SELENOI: variants seen among roughly 807,000 people sequenced by gnomAD.
SELENOI encodes selenoprotein I, also known as ethanolaminephosphotransferase 1.
Under a neutral mutation model 50.7 loss-of-function variants are expected in SELENOI, and 24 were observed. That is an observed-to-expected ratio of 0.47 (90% CI 0.34 to 0.67). The LOEUF (loss-of-function observed/expected upper bound fraction) is 0.67. SELENOI is among the 30% of genes least tolerant of loss of function. SELENOI has a pLI of 0.01. For synonymous variants in SELENOI, 155 were observed against 170.2 expected, an observed-to-expected ratio of 0.91 and a Z score of 0.70; for missense variants, 352 against 461.4, an observed-to-expected ratio of 0.76 and a Z score of 2.17.
At chr2:26,378,945 C>T (rs1253825865) in intron 6 of SELENOI, among the ~76,000 whole-genome samples, 1 of 152,132 alleles carries the variant, frequency 6.6e-6, no homozygotes, top group Non-Finnish European at 1.5e-5. Context: ...CTGCCGAGTA[C>T]CTATACATTG....
intron 1 of SELENOI, chr2:26,346,494 C>T (rs184173476): frequency 2.1e-4 from 114 of 535,426 alleles, no homozygotes; most frequent in African/African-American, 1.9e-3. Context: ...AGTCGGCACC[C>T]CCCGGGAGAT....
At chr2:26,347,066 C>T (rs2147939806) in intron 1 of SELENOI, among the ~76,000 whole-genome samples, 1 of 152,304 alleles carries the variant, frequency 6.6e-6, no homozygotes, top group East Asian at 1.9e-4. Context: ...TCCTCCAAAT[C>T]TGGTTCCCAT....
rs79254819 is a variant in SELENOI, at chr2:26,355,004, A to G, written c.57+8715A>G. ...AGTTTCCACATACCAGCTGTGTGAT[A>G]CTTAGCAGGTAACTTAATCTAACCA... On this transcript the variant is annotated intron_variant, in intron 1 of 9. Transcript: ENST00000260585. 9.6e-3 allele frequency among the ~76,000 whole-genome samples: 1,468 copies of G among 152,354 alleles called. 29 individuals are homozygous for G. Among genetic ancestry groups the G allele is most frequent in the African/African-American group, 0.033 (1,386 of 41,574 alleles).
intron 3 of SELENOI, 82 bp downstream of exon 3, chr2:26,365,022 T>C (rs958396245): frequency 1.4e-5 from 15 of 1,042,386 alleles, no homozygotes; most frequent in Middle Eastern, 2.8e-4. Context: ...TTTGTTAAAA[T>C]GTTCATATTT....
In SELENOI at chr2:26,371,281, C is replaced by T. The variant is rs570201359; in HGVS notation, c.311-2086C>T. On this transcript the variant is annotated intron_variant, in intron 4 of 9. Coordinates refer to ENST00000260585, the MANE Select transcript of SELENOI (RefSeq NM_033505.4). ...CAGACGGGGTGGCCGGGCAGAGACG[C>T]TCCTCACCTCCCAGACGGGGTGGCG... Among the ~76,000 whole-genome samples the T allele has an allele frequency of 8.9e-3, 1,355 of 151,490 alleles. 21 individuals are homozygous for T. The highest frequency in any genetic ancestry group is 0.031 in the African/African-American group (1,287 of 41,264).
intron 1 of SELENOI, 78 bp downstream of exon 1, chr2:26,346,367 C>G (rs1471369145): frequency 6.8e-7 from 1 of 1,475,586 alleles, no homozygotes; most frequent in East Asian, 2.5e-5. Context: ...CGGCGCGGTC[C>G]GTGTCACCTT....
rs369658110 is a variant in SELENOI, at chr2:26,361,742, C to T, written c.58-2560C>T. Among the ~76,000 whole-genome samples the T allele has an allele frequency of 6.6e-5, 10 of 152,048 alleles. No homozygotes were observed. In the East Asian group the frequency reaches 1.4e-3, roughly 21 times the overall value. ...AATCTTGGCTCACTGCAGCCTGTGC[C>T]CCCTTGGTTCAAACGATTCTCCTGC... On this transcript the variant is annotated intron_variant, in intron 1 of 9. Transcript: ENST00000260585.
intron 4 of SELENOI, among the ~76,000 whole-genome samples, chr2:26,371,056 G>A (rs1677425012): frequency 6.9e-6 from 1 of 144,890 alleles, no homozygotes; most frequent in Non-Finnish European, 1.5e-5. Flanking sequence ...GGGCGGCCGG[G>A]CAGAGGCGCC....
chr2:26,394,064 GT>G lies in SELENOI; in HGVS notation c.*4963del, dbSNP rs1678031142. On this transcript the variant is annotated 3_prime_UTR_variant, in exon 10 of 10. Coordinates refer to ENST00000260585, the MANE Select transcript of SELENOI (RefSeq NM_033505.4). This position sits in a 1 kb window ranked among gnomAD's most constrained non-coding sequence, Gnocchi z 4.1. The stretch of plus-strand genomic sequence containing the variant: ...GTTAGTACTTGATGTCACTAACCAA[GT>G]TGTAGAAGGAGCCTGTTATAATTCT... The G allele has an allele frequency of 6.6e-6, 1 of 152,184 alleles. No homozygotes were observed. The highest frequency in any genetic ancestry group is 6.5e-5 in the Admixed American group (1 of 15,280). 9.4% of individuals were successfully genotyped at this position (152,184 alleles called of 1,614,324 possible). A position where few individuals can be genotyped will look rare whatever the true frequency, so the allele number is the denominator to read the frequency against.
chr2:26,382,585 A>G (rs1572336814), intron 6 of SELENOI, among the ~76,000 whole-genome samples: 1 of 151,290 alleles, frequency 6.6e-6, no homozygotes, highest in Admixed American at 6.6e-5. Context: ...AAGATAGTAG[A>G]TAGTGAGGAC....
chr2:26,371,016 C>T, intron 4 of SELENOI, among the ~76,000 whole-genome samples: 1 of 142,590 alleles, frequency 7.0e-6, no homozygotes, highest in Admixed American at 6.9e-5. Context: ...GGCGGCTGGC[C>T]AGGCAGAGGG....
intron 4 of SELENOI, among the ~76,000 whole-genome samples, chr2:26,368,654 C>T (rs1677340964): frequency 6.6e-6 from 1 of 152,008 alleles, no homozygotes; most frequent in Non-Finnish European, 1.5e-5. Flanking sequence ...CCCTGAATTA[C>T]CTTTTTAAGA....
chr2:26,351,996 C>T (rs1450078316), intron 1 of SELENOI, among the ~76,000 whole-genome samples: 2 of 152,032 alleles, frequency 1.3e-5, no homozygotes, highest in Admixed American at 6.6e-5. Flanking sequence ...CAAAAATTAG[C>T]CGGGTGTTAT....
At position 26,395,203 on chromosome 2, in the gene SELENOI, T is replaced by TG. The variant is rs1220443751; in HGVS notation, c.*6101dup. 1 of 152,240 alleles carries TG rather than the reference T, an allele frequency of 6.6e-6. No individual in the cohort carries two copies. Among genetic ancestry groups the TG allele is most frequent in the East Asian group, 1.9e-4 (1 of 5,194 alleles). 9.4% of individuals were successfully genotyped at this position (152,240 alleles called of 1,614,324 possible). On this transcript the variant is annotated 3_prime_UTR_variant, in exon 10 of 10. Coordinates refer to ENST00000260585, the MANE Select transcript of SELENOI (RefSeq NM_033505.4). ...TATGTATGATATATTCATATATACA[T>TG]GCAGTCTGCTTGATTATCAGCAAAA...
intron 1 of SELENOI, among the ~76,000 whole-genome samples, chr2:26,356,959 C>T (rs1359587359): frequency 1.3e-5 from 2 of 151,802 alleles, no homozygotes; most frequent in Non-Finnish European, 2.9e-5. Context: ...CCTACCTCCA[C>T]ACACACACAC....
chr2:26,361,235 G>C (rs1426437489), intron 1 of SELENOI, among the ~76,000 whole-genome samples: 1 of 152,160 alleles, frequency 6.6e-6, no homozygotes, highest in Admixed American at 6.5e-5. Context: ...GGGAGGATGT[G>C]TGTAGGTTAT....
chr2:26,358,131 A>C (rs1677101855), intron 1 of SELENOI, among the ~76,000 whole-genome samples: 1 of 152,164 alleles, frequency 6.6e-6, no homozygotes, highest in South Asian at 2.1e-4. Flanking sequence ...AGTGGGGCGC[A>C]GTGGCTCACG....
At chr2:26,371,043 T>G (rs1309846145) in intron 4 of SELENOI, among the ~76,000 whole-genome samples, 1 of 107,222 alleles carries the variant, frequency 9.3e-6, no homozygotes, top group Non-Finnish European at 1.9e-5. Context: ...CACTTCCCAG[T>G]AGGGGCGGCC....
chr2:26,346,578 A>G (rs955201922), intron 1 of SELENOI: 5 of 281,816 alleles, frequency 1.8e-5, no homozygotes, highest in Non-Finnish European at 3.3e-5. Context: ...TAAACTTATT[A>G]TTTTCGTAAG....
Sources: allele counts gnomAD v4.1 joint callset (sites outside exome capture counted in the v4.1 genomes callset), GRCh38; gene constraint gnomAD v4.1.1; non-coding constraint Gnocchi (gnomAD v3.1); transcripts MANE v1.5; gene names NCBI Gene and HGNC (gene_info 2026-07-23, HGNC 2026-07-21).